Variants in RGS8 observed in about 807,000 individuals in gnomAD.
RGS8 encodes regulator of G protein signaling 8.
RGS8 carries 8 observed loss-of-function variants against 21.7 expected under a neutral mutation model. The ratio of observed to expected loss-of-function variants is 0.37; its 90% confidence interval spans 0.22 to 0.66. RGS8 has a LOEUF of 0.66. Ranked by LOEUF, RGS8 falls within the 30% of genes least tolerant of loss-of-function variation. The probability of loss-of-function intolerance (pLI) is 0.59; values close to 1 mark genes in which losing one functional copy is unlikely to be tolerated. For synonymous variants in RGS8, 80 were observed against 83.6 expected (o/e 0.96, Z 0.24); for missense variants, 157 against 217.9 (o/e 0.72, Z 1.76).
chr1:182,654,249 G>T (rs1663158724), intron 5 of RGS8, among the ~76,000 whole-genome samples: 1 of 152,106 alleles, frequency 6.6e-6, no homozygotes, highest in South Asian at 2.1e-4. Flanking sequence ...GAAGGGAAAG[G>T]GTATTGAAAA....
the RGS8 span, among the ~76,000 whole-genome samples, chr1:182,740,297 A>C: frequency 6.6e-6 from 1 of 152,236 alleles, no homozygotes. Context: ...GTGCTACCAG[A>C]GAGTGGGGCA....
the RGS8 span, among the ~76,000 whole-genome samples, chr1:182,695,633 C>T: frequency 1.4e-3 from 220 of 152,296 alleles, no homozygotes; most frequent in Middle Eastern, 3.4e-3. Flanking sequence ...TACAATTGCT[C>T]TTAGCCATTT....
the RGS8 span, among the ~76,000 whole-genome samples, chr1:182,722,363 C>CAAA: frequency 3.9e-3 from 306 of 79,328 alleles, 2 homozygotes; most frequent in Non-Finnish European, 6.0e-3. Flanking sequence ...AGCAAATTAC[C>CAAA]AAAAAAAAAA....
At chr1:182,684,637 C>T (rs143217605), upstream of RGS8, 146 of 152,542 alleles carry the variant, frequency 9.6e-4, no homozygotes, top group Admixed American at 2.6e-3. This position sits in a 1 kb window ranked among gnomAD's most constrained non-coding sequence, Gnocchi z 4.2. Context: ...GAGGGGCACT[C>T]TGACAGATGA....
intron 1 of RGS8, among the ~76,000 whole-genome samples, chr1:182,678,940 CACTT>C (rs1221503474): frequency 6.6e-6 from 1 of 152,120 alleles, no homozygotes; most frequent in Non-Finnish European, 1.5e-5. Flanking sequence ...GACCTCTTTT[CACTT>C]ACTAACAACT....
chr1:182,642,888 TTAC>T (rs1662528367), downstream of RGS8: 1 of 147,722 alleles, frequency 6.8e-6, no homozygotes, highest in African/African-American at 2.5e-5. Flanking sequence ...GGAAGTTGTG[TTAC>T]TACTATTATT....
chr1:182,726,657 C>T, the RGS8 span, among the ~76,000 whole-genome samples: 18 of 150,248 alleles, frequency 1.2e-4, no homozygotes, highest in South Asian at 4.2e-4. Flanking sequence ...GTAACAAAAG[C>T]GAGACTCTGT....
rs753189129 is a variant in RGS8 at position 182,648,284 on chromosome 1, A to G, written c.213T>C (p.Arg71=). Residue 71 remains arginine (R), a synonymous_variant, in exon 6 of 7, where the codon CGT becomes CGC. Transcript: ENST00000483095. ...CACTGAACTCCGTCTTCAAGAAGGCACGGAATGCAGCCACCCCATCTGCGG... is the reference window on the plus strand; with the variant it reads ...CACTGAACTCCGTCTTCAAGAAGGCGCGGAATGCAGCCACCCCATCTGCGG... 31 of 1,613,530 alleles carry G rather than the reference A, an allele frequency of 1.9e-5. No individual in the cohort carries two copies. The Admixed American group carries it at 2.5e-4, about 13-fold the overall frequency.
At chr1:182,721,800 T>A in the RGS8 span, among the ~76,000 whole-genome samples, 1 of 152,166 alleles carries the variant, frequency 6.6e-6, no homozygotes, top group East Asian at 1.9e-4. Context: ...TGGAAGCATG[T>A]GTGTAGCAGA....
the RGS8 span, among the ~76,000 whole-genome samples, chr1:182,707,019 C>T: frequency 6.1e-3 from 921 of 151,788 alleles, 11 homozygotes; most frequent in African/African-American, 0.021. Context: ...ATTAGCCAGG[C>T]GTGGTGGGGG....
chr1:182,667,040 G>C (rs1039823966), intron 3 of RGS8, 67 bp from the exon 5 acceptor site: 16 of 1,313,986 alleles, frequency 1.2e-5, no homozygotes, highest in Admixed American at 1.7e-5. Flanking sequence ...CTCTATACAG[G>C]GCCCCTGGAG....
At chr1:182,651,182 A>G (rs1662996374) in intron 5 of RGS8, among the ~76,000 whole-genome samples, 1 of 152,262 alleles carries the variant, frequency 6.6e-6, no homozygotes, top group East Asian at 1.9e-4. Flanking sequence ...TCATTCGTTC[A>G]ATTCAGCCAT....
At chr1:182,708,030 A>C in the RGS8 span, among the ~76,000 whole-genome samples, 1 of 152,186 alleles carries the variant, frequency 6.6e-6, no homozygotes, top group South Asian at 2.1e-4. Context: ...TTCAATCATC[A>C]CAAAACTCCA....
At chr1:182,699,039 T>G in the RGS8 span, among the ~76,000 whole-genome samples, 2 of 152,184 alleles carry the variant, frequency 1.3e-5, no homozygotes, top group Non-Finnish European at 2.9e-5. Context: ...AATTAGACTG[T>G]TTTTTATGAT....
the RGS8 span, among the ~76,000 whole-genome samples, chr1:182,692,611 T>TA: frequency 3.1e-3 from 214 of 69,546 alleles, no homozygotes; most frequent in African/African-American, 0.011. Context: ...TTCACAGAAT[T>TA]AAAAAAAATT....
chr1:182,697,581 G>A, the RGS8 span, among the ~76,000 whole-genome samples: 1 of 152,188 alleles, frequency 6.6e-6, no homozygotes, highest in African/African-American at 2.4e-5. Context: ...ACCCGGAGAG[G>A]GCAGACCACA....
At chr1:182,702,827 T>G in the RGS8 span, among the ~76,000 whole-genome samples, 1 of 152,232 alleles carries the variant, frequency 6.6e-6, no homozygotes, top group African/African-American at 2.4e-5. Context: ...GGTAAAAAGT[T>G]TTGTTCTTTA....
chr1:182,724,677 C>T, the RGS8 span, among the ~76,000 whole-genome samples: 34 of 152,228 alleles, frequency 2.2e-4, no homozygotes, highest in African/African-American at 7.7e-4. Flanking sequence ...CCTGCCTCAG[C>T]CTTCCGAGTA....
intron 1 of RGS8, among the ~76,000 whole-genome samples, chr1:182,681,083 T>C (rs1664520645): frequency 1.3e-5 from 2 of 152,316 alleles, no homozygotes; most frequent in South Asian, 4.1e-4. Flanking sequence ...GTAAATCACT[T>C]AGGCTTATGA....
Sources: allele counts gnomAD v4.1 joint callset (sites outside exome capture counted in the v4.1 genomes callset), GRCh38; gene constraint gnomAD v4.1.1; non-coding constraint Gnocchi (gnomAD v3.1); transcripts MANE v1.5; gene names NCBI Gene and HGNC (gene_info 2026-07-23, HGNC 2026-07-21).